SLC12A2: variants seen among roughly 807,000 people sequenced by gnomAD.
SLC12A2 encodes the protein solute carrier family 12 member 2.
A neutral mutation model predicts 136.3 loss-of-function variants in SLC12A2; 67 were observed. The ratio of observed to expected loss-of-function variants is 0.49; its 90% CI spans 0.40 to 0.60. The LOEUF (loss-of-function observed/expected upper bound fraction) is 0.60, where lower values mean the gene tolerates loss of function less well. Ranked by LOEUF, SLC12A2 falls within the 20% of genes least tolerant of loss-of-function variation. The pLI is 0.00. For missense variants in SLC12A2, 1,322 were observed against 1,534.7 expected (o/e 0.86, Z 2.32); for synonymous variants, 619 against 562.9 (o/e 1.10, Z -1.41).
intron 4 of SLC12A2, among the ~76,000 whole-genome samples, chr5:128,130,763 C>T (rs917564089): frequency 6.6e-6 from 1 of 151,926 alleles, no homozygotes; most frequent in Non-Finnish European, 1.5e-5. Flanking sequence ...CTCTTGGGAT[C>T]TGTGAAGGGG....
At position 128,186,746 on chromosome 5, in the gene SLC12A2, A is replaced by G. The variant is rs1763882410; in HGVS notation, c.*115A>G. ...GGCGAATGGTGACTTTTCTTTCACG[A>G]TTTCATTAATTTGAAAGCACACAGG... is the stretch of plus-strand genomic sequence containing the variant. On this transcript the variant is annotated 3_prime_UTR_variant, in exon 27 of 27. Transcript: ENST00000262461. The G allele has an allele frequency of 1.8e-6, 2 of 1,121,132 alleles. No individual in the cohort carries two copies. Among genetic ancestry groups the G allele is most frequent in the Admixed American group, 2.2e-5 (1 of 45,466 alleles). The allele number at this position is 1,121,132 out of a possible 1,614,324, so 69.4% of individuals were successfully genotyped here. A position where few individuals can be genotyped will look rare whatever the true frequency, so the allele number is the denominator to read the frequency against.
In SLC12A2 at chr5:128,114,465, C is replaced by G; in HGVS notation, c.953-121C>G. 6.0e-6 allele frequency: 5 copies of G among 830,314 alleles called. 1 individual carries two copies. Among genetic ancestry groups the G allele is most frequent in the Middle Eastern group, 2.4e-4 (1 of 4,238 alleles). 51.4% of individuals were successfully genotyped at this position (830,314 alleles called of 1,614,324 possible). Reference sequence around the variant, plus strand: ...TGATTTGGTTTTTATAAAATGAGATCAAAATTGGGTAATTTATAACTTAAA... The same window carrying G: ...TGATTTGGTTTTTATAAAATGAGATGAAAATTGGGTAATTTATAACTTAAA... On this transcript the variant is annotated intron_variant, in intron 3 of 26. Coordinates refer to ENST00000262461, the MANE Select transcript of SLC12A2 (RefSeq NM_001046.3).
chr5:128,117,467 G>C (rs761632146), intron 4 of SLC12A2, among the ~76,000 whole-genome samples: 24 of 152,056 alleles, frequency 1.6e-4, no homozygotes, highest in Non-Finnish European at 5.9e-5. Context: ...CTCCTGAAAG[G>C]TTTCTTTCCT....
At chr5:128,095,115 G>A (rs929180252) in intron 1 of SLC12A2, among the ~76,000 whole-genome samples, 1 of 152,012 alleles carries the variant, frequency 6.6e-6, no homozygotes, top group African/African-American at 2.4e-5. Context: ...ATTTTGCATA[G>A]GATCCTTCCT....
chr5:128,100,508 T>C (rs1017389698), intron 1 of SLC12A2, among the ~76,000 whole-genome samples: 1 of 152,128 alleles, frequency 6.6e-6, no homozygotes, highest in Non-Finnish European at 1.5e-5. Flanking sequence ...ATCTGAAATA[T>C]GAAACACTTC....
intron 4 of SLC12A2, among the ~76,000 whole-genome samples, chr5:128,126,966 A>ATATATATATATATATATATATATATTTT: frequency 4.7e-5 from 1 of 21,154 alleles, no homozygotes; most frequent in African/African-American, 2.5e-4. Context: ...ATATATATAT[A>ATATATATATATATATATATATATATTTT]TTTTTTTTTT....
At position 128,129,475 on chromosome 5, in the gene SLC12A2, CTTTT is replaced by C. The variant is rs549925133; in HGVS notation, c.1049-1583_1049-1580del. 4.9e-3 allele frequency among the ~76,000 whole-genome samples: 643 copies of C among 130,970 alleles called. 4 individuals carry two copies. The highest frequency in any genetic ancestry group is 7.6e-3 in the Non-Finnish European group (454 of 60,100). 85.9% of individuals were successfully genotyped at this position (130,970 alleles called of 152,430 possible). ...AGGCTAATGTTAAATGGTTAGGTTG[CTTTT>C]TTTTTTTTCATTTTCAGGATCATGA... On this transcript the variant is annotated intron_variant, in intron 4 of 26. Coordinates refer to ENST00000262461, the MANE Select transcript of SLC12A2 (RefSeq NM_001046.3).
chr5:128,117,360 T>A (rs1453504365), intron 4 of SLC12A2, among the ~76,000 whole-genome samples: 2 of 152,274 alleles, frequency 1.3e-5, no homozygotes, highest in East Asian at 3.9e-4. Context: ...ATCCATAAGT[T>A]AACAATGAAA....
Position 128,084,719 on chromosome 5 carries a change from GCCCAGCCCTCCCTTCTTC to G in SLC12A2, c.756+18_756+35del, listed in dbSNP as rs1760016020. 5 of 1,565,624 alleles carry G rather than the reference GCCCAGCCCTCCCTTCTTC, an allele frequency of 3.2e-6. No homozygotes were observed. Among genetic ancestry groups the G allele is most frequent in the Non-Finnish European group, 3.5e-6 (4 of 1,153,634 alleles). On this transcript the variant is annotated intron_variant, in intron 1 of 26. Transcript: ENST00000262461. The surrounding 1 kb of genome is among the most constrained non-coding windows in gnomAD (Gnocchi z 5.6). ...ACGACGAGCTGGAAAAGGTGAGCTC[GCCCAGCCCTCCCTTCTTC>G]CCCAGCCCCTGGTGCATGCCGACCG...
rs1453425763 is a variant in SLC12A2 at position 128,174,579 on chromosome 5, A to C, written c.2842A>C (p.Lys948Gln). Reference sequence around the variant, plus strand: ...ATCACAAGAGAAATCTCCTGGCACCAAGGATGTGGTAGTAAGTGTGGAATA... The same window carrying C: ...ATCACAAGAGAAATCTCCTGGCACCCAGGATGTGGTAGTAAGTGTGGAATA... ...LSSQEKSPGT[K>Q]DVVVSVEYSK... The change falls in exon 20 of 27, where the codon AAG (lysine) becomes CAG (glutamine). Residue 948 changes from lysine to glutamine, a missense_variant. Lys to Gln is a moderately conservative substitution (Grantham distance 53). This residue lies in a region of SLC12A2 where 226 missense variants were observed against 210.4 expected (regional missense o/e 1.07). Transcript: ENST00000262461. 1 of 1,609,438 alleles carries C rather than the reference A, an allele frequency of 6.2e-7. No individual in the cohort carries two copies. Among genetic ancestry groups the C allele is most frequent in the Non-Finnish European group, 8.5e-7 (1 of 1,177,208 alleles).
At chr5:128,176,709 GCA>G (rs1211238809) in intron 20 of SLC12A2, among the ~76,000 whole-genome samples, 1 of 151,792 alleles carries the variant, frequency 6.6e-6, no homozygotes, top group Non-Finnish European at 1.5e-5. Context: ...TCAGTTATTT[GCA>G]CAGTGATGGC....
intron 1 of SLC12A2, among the ~76,000 whole-genome samples, chr5:128,108,540 CA>C (rs1761028747): frequency 6.6e-6 from 1 of 152,118 alleles, no homozygotes; most frequent in Admixed American, 6.5e-5. Flanking sequence ...AAAGAAGCCA[CA>C]CATAAAGCCC....
At chr5:128,121,625 T>A (rs1223313371) in intron 4 of SLC12A2, among the ~76,000 whole-genome samples, 2 of 151,968 alleles carry the variant, frequency 1.3e-5, no homozygotes, top group East Asian at 1.9e-4. Context: ...CCCGGCTGAT[T>A]TGGGGTACTA....
In SLC12A2 at chr5:128,084,301, C is replaced by T. The variant is rs1257964723; in HGVS notation, c.347C>T (p.Thr116Ile). Residue 116 changes from threonine (T) to isoleucine (I), a missense_variant, in exon 1 of 27, where the codon ACC (threonine) becomes ATC (isoleucine). Thr to Ile is a moderately conservative substitution (Grantham distance 89). Transcript: ENST00000262461. The surrounding 1 kb of genome is among the most constrained non-coding windows in gnomAD (Gnocchi z 5.6). ...AAGAGAGAKQ[T>I]PADGEASGES... ...GGTGCTGGGGCGGGGGCCAAGCAGA[C>T]CCCCGCGGACGGGGAAGCCAGCGGC... The T allele has an allele frequency of 2.0e-6, 3 of 1,508,522 alleles. No individual in the cohort carries two copies. Among genetic ancestry groups the T allele is most frequent in the African/African-American group, 1.4e-5 (1 of 72,690 alleles). The allele number at this position is 1,508,522 out of a possible 1,614,324, so 93.4% of individuals were successfully genotyped here.
At chr5:128,093,124 G>A (rs1760399756) in intron 1 of SLC12A2, among the ~76,000 whole-genome samples, 1 of 152,030 alleles carries the variant, frequency 6.6e-6, no homozygotes. Context: ...CAAATTTCAG[G>A]AAGTTTTTGT....
At chr5:128,118,816 C>G (rs1264599645) in intron 4 of SLC12A2, among the ~76,000 whole-genome samples, 5 of 152,142 alleles carry the variant, frequency 3.3e-5, no homozygotes, top group Non-Finnish European at 7.4e-5. Flanking sequence ...AAATCTGAAT[C>G]ACATTATGCC....
At chr5:128,143,304 A>G (rs1410801778) in intron 10 of SLC12A2, among the ~76,000 whole-genome samples, 2 of 152,188 alleles carry the variant, frequency 1.3e-5, no homozygotes, top group East Asian at 1.9e-4. Flanking sequence ...ATCAGTATCA[A>G]TAGTAGTGTT....
chr5:128,178,519 C>T (rs1395419347), intron 21 of SLC12A2, 48 bp from the exon 22 acceptor site: 1 of 1,413,150 alleles, frequency 7.1e-7, no homozygotes, highest in Admixed American at 2.5e-5. Context: ...GCAAAAGGGA[C>T]TTTAATATTT....
intron 14 of SLC12A2, 26 bp from the exon 15 acceptor site, chr5:128,152,680 G>T (rs1305514859): frequency 7.1e-7 from 1 of 1,404,104 alleles, no homozygotes; most frequent in Admixed American, 1.7e-5. Flanking sequence ...TGATGTTAAT[G>T]CTGCATGAAC....
Sources: allele counts gnomAD v4.1 joint callset (sites outside exome capture counted in the v4.1 genomes callset), GRCh38; gene constraint gnomAD v4.1.1; regional missense constraint gnomAD v4.1.1; non-coding constraint Gnocchi (gnomAD v3.1); transcripts MANE v1.5; gene names NCBI Gene and HGNC (gene_info 2026-07-23, HGNC 2026-07-21).